DPP10: variants seen among roughly 807,000 people sequenced by gnomAD.
DPP10 encodes inactive dipeptidyl peptidase 10.
A neutral mutation model predicts 120.9 loss-of-function variants in DPP10; 33 were observed. That is an observed-to-expected ratio of 0.27 (90% confidence interval 0.21 to 0.37). The LOEUF (loss-of-function observed/expected upper bound fraction) is 0.37. Ranked by LOEUF, DPP10 falls within the 10% of genes least tolerant of loss-of-function variation. The probability of loss-of-function intolerance (pLI) is 1.00; values close to 1 mark genes in which losing one functional copy is unlikely to be tolerated. For synonymous variants in DPP10, 337 were observed against 326.1 expected (o/e 1.03, Z -0.36); for missense variants, 816 against 942.8 (o/e 0.87, Z 1.76).
intron 1 of DPP10, among the ~76,000 whole-genome samples, chr2:114,811,854 T>A (rs1381490255): frequency 6.6e-6 from 1 of 152,222 alleles, no homozygotes; most frequent in Non-Finnish European, 1.5e-5. Context: ...TTTTTTGGAC[T>A]CACATGAGTA....
intron 5 of DPP10, among the ~76,000 whole-genome samples, chr2:115,684,728 C>G (rs1327273175): frequency 1.3e-5 from 2 of 151,850 alleles, no homozygotes; most frequent in Admixed American, 1.3e-4. Context: ...GCTGAACTCT[C>G]CTTGACACGA....
chr2:115,738,461 G>T (rs1374468393), intron 8 of DPP10, among the ~76,000 whole-genome samples: 1 of 152,094 alleles, frequency 6.6e-6, no homozygotes, highest in Non-Finnish European at 1.5e-5. Context: ...GCTATAACTA[G>T]AGATGCTGTG....
intron 19 of DPP10, among the ~76,000 whole-genome samples, chr2:115,797,050 T>C (rs12711834): frequency 0.99 from 151,094 of 152,140 alleles, 75,035 homozygotes; most frequent in Middle Eastern, 1. Context: ...GCTTCTCTAC[T>C]GCCAAATTCT....
Position 115,827,414 on chromosome 2 carries a change from G to GTATATATATATA in DPP10, c.1951-8721_1951-8710dup, listed in dbSNP as rs70941101. Among the ~76,000 whole-genome samples the GTATATATATATA allele has an allele frequency of 3.8e-3, 289 of 75,408 alleles. 4 individuals carry two copies. Among genetic ancestry groups the GTATATATATATA allele is most frequent in the Non-Finnish European group, 5.4e-3 (213 of 39,222 alleles). 49.5% of individuals were successfully genotyped at this position (75,408 alleles called of 152,430 possible). On this transcript the variant is annotated intron_variant, in intron 21 of 25. Coordinates refer to ENST00000410059, the MANE Select transcript of DPP10 (RefSeq NM_020868.6). The stretch of plus-strand genomic sequence containing the variant: ...TGTGTGTGTGTGTGTATGTGTGTGT[G>GTATATATATATA]TATATATATATATATATATATATAT...
chr2:114,481,141 TA>T (rs983428400), intron 1 of DPP10, among the ~76,000 whole-genome samples: 11 of 150,002 alleles, frequency 7.3e-5, no homozygotes, highest in East Asian at 2.0e-4. Flanking sequence ...TACATCAAAC[TA>T]AAAAAAAAGT....
intron 5 of DPP10, among the ~76,000 whole-genome samples, chr2:115,676,581 A>C: frequency 6.6e-6 from 1 of 152,172 alleles, no homozygotes; most frequent in East Asian, 1.9e-4. Flanking sequence ...TCAATAGACT[A>C]AATTAAGTAG....
chr2:115,779,993 T>C (rs1682557702), intron 15 of DPP10, among the ~76,000 whole-genome samples: 1 of 151,940 alleles, frequency 6.6e-6, no homozygotes, highest in Admixed American at 6.6e-5. Flanking sequence ...CTACAGCGTA[T>C]TGCACATCAA....
At chr2:114,448,236 T>C (rs1678049474) in intron 1 of DPP10, among the ~76,000 whole-genome samples, 3 of 152,220 alleles carry the variant, frequency 2.0e-5, no homozygotes, top group African/African-American at 7.2e-5. Context: ...CAACTTTTAC[T>C]TTGAAGAAGT....
At chr2:115,590,871 G>C (rs1439227059) in intron 5 of DPP10, among the ~76,000 whole-genome samples, 1 of 152,214 alleles carries the variant, frequency 6.6e-6, no homozygotes, top group Admixed American at 6.5e-5. Flanking sequence ...TAACTGGTGT[G>C]AGATGGTATC....
intron 1 of DPP10, among the ~76,000 whole-genome samples, chr2:114,540,847 AAATGGTATTGTCCAATCTCTTCTT>A (rs1686892075): frequency 6.6e-6 from 1 of 152,096 alleles, no homozygotes; most frequent in Admixed American, 6.6e-5. Flanking sequence ...ACCATACATA[AAATGGTATTGTCCAATCTCTTCTT>A]AGTCTTACCT....
rs377286802 is a variant in DPP10, at chr2:114,647,292, G to A, written c.60+204454G>A. 5.9e-5 allele frequency among the ~76,000 whole-genome samples: 9 copies of A among 152,226 alleles called. No individual in the cohort carries two copies. The East Asian group carries it at 9.7e-4, about 16-fold the overall frequency. On this transcript the variant is annotated intron_variant, in intron 1 of 25. Coordinates refer to ENST00000410059, the MANE Select transcript of DPP10 (RefSeq NM_020868.6). ...AATTTCCCATTGGCTGTCTCCTGGG[G>A]TGAGCAAAAACTGAATGTGTTTAAT...
intron 3 of DPP10, among the ~76,000 whole-genome samples, chr2:115,498,351 A>T (rs183656223): frequency 2.0e-4 from 30 of 152,220 alleles, no homozygotes; most frequent in African/African-American, 7.2e-4. Context: ...ATAATGAGAG[A>T]AGGGGTCAGA....
intron 1 of DPP10, among the ~76,000 whole-genome samples, chr2:114,952,238 A>T (rs1231944572): frequency 6.6e-6 from 1 of 151,960 alleles, no homozygotes; most frequent in African/African-American, 2.4e-5. Flanking sequence ...CTTATATATA[A>T]ATTATATTAT....
At chr2:115,368,446 CTT>C (rs1165879835) in intron 3 of DPP10, among the ~76,000 whole-genome samples, 1 of 152,038 alleles carries the variant, frequency 6.6e-6, no homozygotes, top group African/African-American at 2.4e-5. Context: ...TATTATTTTA[CTT>C]TCTATCAATT....
At chr2:115,628,851 A>G (rs2085589095) in intron 5 of DPP10, among the ~76,000 whole-genome samples, 1 of 151,832 alleles carries the variant, frequency 6.6e-6, no homozygotes, top group Admixed American at 6.6e-5. Context: ...GTTTTAGGGT[A>G]CATGTGCACA....
chr2:115,762,744 A>G (rs1311302001), intron 12 of DPP10, 134 bp downstream of exon 12: 2 of 1,016,520 alleles, frequency 2.0e-6, no homozygotes, highest in Admixed American at 2.2e-5. Context: ...TTTTTCATTA[A>G]AAGGATCACT....
chr2:115,809,059 G>A (rs1686340677), intron 19 of DPP10, among the ~76,000 whole-genome samples: 1 of 152,132 alleles, frequency 6.6e-6, no homozygotes, highest in Admixed American at 6.5e-5. Context: ...GGAAGAAGAT[G>A]GGAATGTGGA....
At chr2:115,719,321 G>A (rs79678420) in intron 7 of DPP10, among the ~76,000 whole-genome samples, 65 of 152,302 alleles carry the variant, frequency 4.3e-4, no homozygotes, top group Non-Finnish European at 7.6e-4. Context: ...AAGGTTTTAA[G>A]AAATAAGAAC....
At chr2:115,640,853 C>T (rs999279089) in intron 5 of DPP10, among the ~76,000 whole-genome samples, 13 of 152,036 alleles carry the variant, frequency 8.6e-5, no homozygotes, top group East Asian at 1.9e-4. Flanking sequence ...CATTATACAC[C>T]GATGTTACAA....
Sources: allele counts gnomAD v4.1 joint callset (sites outside exome capture counted in the v4.1 genomes callset), GRCh38; gene constraint gnomAD v4.1.1; transcripts MANE v1.5; gene names NCBI Gene and HGNC (gene_info 2026-07-23, HGNC 2026-07-21).